The following NLRP9 variants were observed in gnomAD, a reference collection of about 807,000 sequenced individuals.
The protein encoded by NLRP9 is NACHT, LRR and PYD domains-containing protein 9.
A neutral mutation model predicts 83.1 loss-of-function variants in NLRP9; 88 were observed. That is an observed-to-expected ratio of 1.06 (90% CI 0.89 to 1.26). The LOEUF (loss-of-function observed/expected upper bound fraction) is 1.26, where lower values mean the gene tolerates loss of function less well. Among genes scored for constraint, NLRP9 ranks in the 50% most tolerant of loss-of-function variants. NLRP9 has a pLI of 0.00. For missense variants in NLRP9, 1,308 were observed against 1,179.3 expected (o/e 1.11, Z -1.60); for synonymous variants, 521 against 447.6 (o/e 1.16, Z -2.07).
At chr19:55,711,107 AC>A (rs887099222) in intron 8 of NLRP9, among the ~76,000 whole-genome samples, 5 of 103,566 alleles carry the variant, frequency 4.8e-5, no homozygotes, top group African/African-American at 1.0e-4. Flanking sequence ...ACAAAACAAA[AC>A]AAAAAAAAAA....
intron 1 of NLRP9, among the ~76,000 whole-genome samples, chr19:55,735,986 C>T (rs770231921): frequency 3.9e-5 from 6 of 152,028 alleles, no homozygotes; most frequent in Admixed American, 1.3e-4. Flanking sequence ...CCACGCCTGG[C>T]AAAACCCTAT....
At position 55,732,949 on chromosome 19, in the gene NLRP9, C is replaced by T; in HGVS notation, c.882G>A (p.Lys294=). 6.2e-7 allele frequency: 1 copy of T among 1,614,158 alleles called. No individual in the cohort carries two copies. The highest frequency in any genetic ancestry group is 8.5e-7 in the Non-Finnish European group (1 of 1,180,016). Residue 294 remains lysine (K), a synonymous_variant, in exon 2 of 9, where the codon AAG becomes AAA. Transcript: ENST00000332836. ...YFMLRHPKLI[K]LLGFSESEKK... is the part of the protein sequence containing the mutation. ...TTTCAGATTCACTGAATCCTAAGAG[C>T]TTTATGAGTTTTGGATGCCGCAACA... is the stretch of plus-strand genomic sequence containing the variant.
At chr19:55,726,757 G>A (rs1988415371) in intron 3 of NLRP9, among the ~76,000 whole-genome samples, 1 of 152,162 alleles carries the variant, frequency 6.6e-6, no homozygotes, top group Non-Finnish European at 1.5e-5. Context: ...TAACCTTGGG[G>A]AGGCATTAGA....
At position 55,709,062 on chromosome 19, in the gene NLRP9, A is replaced by C. The variant is rs1568589529; in HGVS notation, c.2844-18T>G. 3 of 1,552,196 alleles carry C rather than the reference A, an allele frequency of 1.9e-6. No homozygotes were observed. The highest frequency in any genetic ancestry group is 1.4e-5 in the African/African-American group (1 of 70,714). ...TGTGCAGCCTGGGAAAATAGAAATAAAGTTTTTTTTTTTGTTTTTCATTTT... is the reference window on the plus strand; with the variant it reads ...TGTGCAGCCTGGGAAAATAGAAATACAGTTTTTTTTTTTGTTTTTCATTTT... On this transcript the variant is annotated intron_variant, in intron 8 of 8. Coordinates refer to ENST00000332836, the MANE Select transcript of NLRP9 (RefSeq NM_176820.4).
At chr19:55,734,680 G>A (rs933580773) in intron 1 of NLRP9, among the ~76,000 whole-genome samples, 1 of 149,072 alleles carries the variant, frequency 6.7e-6, no homozygotes, top group Admixed American at 6.8e-5. Flanking sequence ...TGTCCCCCAG[G>A]CTGGAGTGAG....
intron 5 of NLRP9, among the ~76,000 whole-genome samples, chr19:55,715,599 G>T (rs1182852987): frequency 1.3e-5 from 2 of 152,124 alleles, no homozygotes; most frequent in Non-Finnish European, 2.9e-5. Context: ...CAGGAGAATC[G>T]CTTGAACCCA....
Position 55,738,262 on chromosome 19 carries a change from T to A in NLRP9, c.113A>T (p.Glu38Val), listed in dbSNP as rs1988838772. The part of the protein sequence containing the change: ...ELLKQPLEKF[E>V]LKPIPWAELK... ...CTCAGCCCAGGGGATTGGCTTGAGTTCAAATTTCTCCAAAGGTTGTTTGAG... is the reference window on the plus strand; with the variant it reads ...CTCAGCCCAGGGGATTGGCTTGAGTACAAATTTCTCCAAAGGTTGTTTGAG... Residue 38 changes from glutamate to valine, a missense_variant, in exon 1 of 9, where the codon GAA becomes GTA. Coordinates refer to ENST00000332836, the MANE Select transcript of NLRP9 (RefSeq NM_176820.4). 2 of 1,614,170 alleles carry A rather than the reference T, an allele frequency of 1.2e-6. No homozygotes were observed. The highest frequency in any genetic ancestry group is 1.7e-6 in the Non-Finnish European group (2 of 1,180,040).
chr19:55,716,778 C>A lies in NLRP9; in HGVS notation c.2280G>T (p.Thr760=). 2 of 1,613,914 alleles carry A rather than the reference C, an allele frequency of 1.2e-6. No homozygotes were observed. Among genetic ancestry groups the A allele is most frequent in the Non-Finnish European group, 1.7e-6 (2 of 1,179,908 alleles). ...AGTGCTTCAGGGCTTCACACAGCAA[C>A]GTCATTCCTTCGTCCCTCAAGGGAT... ...VENPLRDEGM[T]LLCEALKHSH... The change falls in exon 5 of 9, where the codon ACG becomes ACT. Residue 760 remains threonine (T), a synonymous_variant. Transcript: ENST00000332836.
chr19:55,732,056 G>C lies in NLRP9; in HGVS notation c.1775C>G (p.Thr592Arg). ...ATTCTCCACACACATGCGAAGTGTC[G>C]TTAAATGTTGACAATGCTTCAGGCA... is the stretch of plus-strand genomic sequence containing the variant. Reference protein sequence around the residue: ...SFCLKHCQHLTTLRMCVENIF... With the variant: ...SFCLKHCQHLRTLRMCVENIF... The change falls in exon 2 of 9, where the codon ACG (threonine) becomes AGG (arginine). Residue 592 changes from threonine to arginine, a missense_variant. Coordinates refer to ENST00000332836, the MANE Select transcript of NLRP9 (RefSeq NM_176820.4). The C allele has an allele frequency of 6.2e-7, 1 of 1,605,064 alleles. No homozygotes were observed. Among genetic ancestry groups the C allele is most frequent in the Non-Finnish European group, 8.5e-7 (1 of 1,176,980 alleles).
At chr19:55,722,398 T>G (rs774653084) in intron 4 of NLRP9, among the ~76,000 whole-genome samples, 4 of 152,172 alleles carry the variant, frequency 2.6e-5, no homozygotes, top group Admixed American at 6.5e-5. Flanking sequence ...TGGAAACAGC[T>G]TGAATAAGGA....
Position 55,733,120 on chromosome 19 carries a change from T to TAA in NLRP9, c.709_710dup (p.Leu237PhefsTer8), listed in dbSNP as rs775523205. On this transcript the variant is annotated frameshift_variant, in exon 2 of 9. Coordinates refer to ENST00000332836, the MANE Select transcript of NLRP9 (RefSeq NM_176820.4). LOFTEE classifies it high-confidence loss of function. The stretch of plus-strand genomic sequence containing the variant: ...CATCGCTCAAGTCAGCCTTAAGTTG[T>TAA]AAGTTAAACTTCAGTTGCTCAAAGC... 1 of 1,614,194 alleles carries TAA rather than the reference T, an allele frequency of 6.2e-7. No homozygotes were observed. The highest frequency in any genetic ancestry group is 8.5e-7 in the Non-Finnish European group (1 of 1,180,030).
chr19:55,738,232 T>C lies in NLRP9; in HGVS notation c.143A>G (p.Lys48Arg), dbSNP rs776494998. The C allele has an allele frequency of 4.5e-5, 73 of 1,614,180 alleles. No homozygotes were observed. The highest frequency in any genetic ancestry group is 6.1e-5 in the Non-Finnish European group (72 of 1,180,036). ...ELKPIPWAEL[K>R]KASKEDVAKL... is the part of the protein sequence containing the mutation. ...TGCTACATCTTCTTTGGAGGCCTTCTTCAGCTCAGCCCAGGGGATTGGCTT... is the reference window on the plus strand; with the variant it reads ...TGCTACATCTTCTTTGGAGGCCTTCCTCAGCTCAGCCCAGGGGATTGGCTT... Residue 48 changes from lysine to arginine, a missense_variant, in exon 1 of 9, where the codon AAG becomes AGG. Physicochemically the swap from Lys to Arg is conservative, Grantham distance 26. Transcript: ENST00000332836.
chr19:55,733,767 G>C (rs916216731), intron 1 of NLRP9, among the ~76,000 whole-genome samples: 1 of 152,156 alleles, frequency 6.6e-6, no homozygotes, highest in Non-Finnish European at 1.5e-5. Context: ...ACACAGGCTT[G>C]AAGTCTGATA....
intron 3 of NLRP9, among the ~76,000 whole-genome samples, chr19:55,726,570 C>T (rs1310790876): frequency 6.6e-6 from 1 of 152,194 alleles, no homozygotes; most frequent in African/African-American, 2.4e-5. Context: ...AATCAATCTA[C>T]TTCTCTCAGC....
In NLRP9 at chr19:55,715,239, C is replaced by G; in HGVS notation, c.2331-14G>C. ...CAGTACATCAACCTGCAAAGAAACACACCGTCTCCCAGCCTGCTGAACAGC... is the reference window on the plus strand; with the variant it reads ...CAGTACATCAACCTGCAAAGAAACAGACCGTCTCCCAGCCTGCTGAACAGC... On this transcript the variant is annotated splice_polypyrimidine_tract_variant and intron_variant, in intron 5 of 8. Transcript: ENST00000332836. 1 of 1,609,514 alleles carries G rather than the reference C, an allele frequency of 6.2e-7. No individual in the cohort carries two copies. The highest frequency in any genetic ancestry group is 8.5e-7 in the Non-Finnish European group (1 of 1,177,534).
chr19:55,723,062 G>A (rs937625262), intron 4 of NLRP9, among the ~76,000 whole-genome samples: 1 of 151,996 alleles, frequency 6.6e-6, no homozygotes, highest in Non-Finnish European at 1.5e-5. Context: ...GAGTTGATGG[G>A]TACAGCAAAC....
Position 55,733,568 on chromosome 19 carries a change from G to A in NLRP9, c.281-18C>T. ...TAGCTTATCTGTGTTAATGAGAACA[G>A]GATATAAGATAGGTAAAAATGCACT... On this transcript the variant is annotated intron_variant, in intron 1 of 8. Transcript: ENST00000332836. 2 of 1,373,628 alleles carry A rather than the reference G, an allele frequency of 1.5e-6. No homozygotes were observed. The highest frequency in any genetic ancestry group is 2.7e-5 in the South Asian group (2 of 73,216). The allele number at this position is 1,373,628 out of a possible 1,614,324, so 85.1% of individuals were successfully genotyped here.
chr19:55,715,630 G>C (rs1412208490), intron 5 of NLRP9, among the ~76,000 whole-genome samples: 1 of 152,206 alleles, frequency 6.6e-6, no homozygotes, highest in Non-Finnish European at 1.5e-5. Context: ...GTTGCTGTGA[G>C]CTGAGATCGT....
intron 7 of NLRP9, 63 bp downstream of exon 7, chr19:55,712,357 T>C: frequency 7.1e-7 from 1 of 1,405,270 alleles, no homozygotes; most frequent in Non-Finnish European, 9.9e-7. Context: ...CTATTGACCC[T>C]CCAGCAATTC....
Sources: gnomAD v4.1 joint callset for allele counts (sites outside exome capture counted in the v4.1 genomes callset) on GRCh38, gnomAD v4.1.1 for gene constraint, MANE v1.5 for transcripts, NCBI Gene and HGNC (gene_info 2026-07-23, HGNC 2026-07-21) for gene names.